The following RSPO2 variants were observed in gnomAD, a reference collection of about 807,000 sequenced individuals.
The protein encoded by RSPO2 is R-spondin 2, also known as R-spondin-2.
In RSPO2, 14 loss-of-function variants were observed where a neutral mutation model predicts 30.9. The observed-to-expected ratio is 0.45, with a 90% CI of 0.30 to 0.71. RSPO2 has a LOEUF of 0.71. Among genes scored for constraint, RSPO2 ranks in the 30% least tolerant of loss-of-function variants. The pLI, the probability that RSPO2 is intolerant of heterozygous loss-of-function variation, is 0.08. For missense variants in RSPO2, 264 were observed against 301.9 expected (o/e 0.87, Z 0.93); for synonymous variants, 107 against 96.4 (o/e 1.11, Z -0.64).
intron 2 of RSPO2, among the ~76,000 whole-genome samples, chr8:108,069,179 T>C (rs1812763022): frequency 6.6e-6 from 1 of 151,228 alleles, no homozygotes; most frequent in African/African-American, 2.4e-5. Flanking sequence ...TATTCTTCCA[T>C]TGTTGGTGCA....
intron 3 of RSPO2, among the ~76,000 whole-genome samples, chr8:107,965,362 C>A (rs1813765902): frequency 2.0e-5 from 3 of 152,116 alleles, no homozygotes; most frequent in Admixed American, 2.0e-4. Context: ...GGCTGAGCAC[C>A]CTCTCTCCTA....
chr8:107,977,740 A>AT (rs1216073214), intron 3 of RSPO2, among the ~76,000 whole-genome samples: 1 of 152,108 alleles, frequency 6.6e-6, no homozygotes, highest in Non-Finnish European at 1.5e-5. Context: ...GAGGTATCAC[A>AT]TATCTTTGCC....
chr8:108,058,184 C>G (rs1343785981), intron 2 of RSPO2, among the ~76,000 whole-genome samples: 1 of 152,114 alleles, frequency 6.6e-6, no homozygotes, highest in East Asian at 1.9e-4. Flanking sequence ...GCAAAAATCA[C>G]AAGCATTCTT....
At chr8:108,001,914 A>T (rs1217193781) in intron 2 of RSPO2, among the ~76,000 whole-genome samples, 1 of 152,170 alleles carries the variant, frequency 6.6e-6, no homozygotes, top group Non-Finnish European at 1.5e-5. Context: ...GAGGGATAGC[A>T]TTAGGAGAAA....
chr8:107,941,058 T>C (rs561550856), intron 5 of RSPO2, among the ~76,000 whole-genome samples: 1 of 152,244 alleles, frequency 6.6e-6, no homozygotes, highest in Non-Finnish European at 1.5e-5. Flanking sequence ...TTTTAAAATA[T>C]TTGCTATAAT....
intron 4 of RSPO2, among the ~76,000 whole-genome samples, chr8:107,958,852 C>T (rs1306736871): frequency 4.6e-5 from 7 of 152,176 alleles, no homozygotes. Context: ...CCAGTTCCAT[C>T]CATGTCCCTG....
rs553242323 is a variant in RSPO2 at position 107,978,999 on chromosome 8, T to C, written c.283+10057A>G. On this transcript the variant is annotated intron_variant, in intron 3 of 5. Coordinates refer to ENST00000276659, the MANE Select transcript of RSPO2 (RefSeq NM_178565.5). ...CAATGAGATACCATCTCACACCAGTTAGAATGGCAATCATTAAAAAGTCAG... is the reference window on the plus strand; with the variant it reads ...CAATGAGATACCATCTCACACCAGTCAGAATGGCAATCATTAAAAAGTCAG... 3.2e-3 allele frequency among the ~76,000 whole-genome samples: 485 copies of C among 152,282 alleles called. 3 individuals carry two copies. Among genetic ancestry groups the C allele is most frequent in the African/African-American group, 0.011 (466 of 41,530 alleles).
At chr8:107,913,849 A>G (rs1299399140) in intron 5 of RSPO2, among the ~76,000 whole-genome samples, 3 of 152,184 alleles carry the variant, frequency 2.0e-5, no homozygotes, top group South Asian at 2.1e-4. Flanking sequence ...AAAGGAAGCT[A>G]CTACATGTAT....
chr8:107,944,614 T>C lies in RSPO2; in HGVS notation c.616+13466A>G, dbSNP rs558548503. Among the ~76,000 whole-genome samples, 5 of 152,294 alleles carry C rather than the reference T, an allele frequency of 3.3e-5. No individual in the cohort carries two copies. In the East Asian group the frequency reaches 9.7e-4, roughly 29 times the overall value. ...CATCTGAGCAATTCTCAGGGATTAT[T>C]ATGGGTTGAAAGACAAAGAAGCCAT... On this transcript the variant is annotated intron_variant, in intron 5 of 5. Transcript: ENST00000276659.
chr8:107,954,687 T>A (rs1813363247), intron 5 of RSPO2, among the ~76,000 whole-genome samples: 1 of 152,146 alleles, frequency 6.6e-6, no homozygotes, highest in Non-Finnish European at 1.5e-5. Context: ...CTTGGCTCAA[T>A]GCAACTTCCA....
intron 2 of RSPO2, among the ~76,000 whole-genome samples, chr8:108,004,052 ATTAGTCACTAAAAATACTATGCTAATTT>A (rs1423850925): frequency 6.6e-6 from 1 of 152,188 alleles, no homozygotes; most frequent in Non-Finnish European, 1.5e-5. Flanking sequence ...CCTTTTGATG[ATTAGTCACTAAAAATACTATGCTAATTT>A]TTCCTAACAC....
chr8:107,995,712 A>G (rs954118776), intron 2 of RSPO2, among the ~76,000 whole-genome samples: 1 of 152,062 alleles, frequency 6.6e-6, no homozygotes, highest in Non-Finnish European at 1.5e-5. Context: ...AGCTTCTATG[A>G]TAATATCTTC....
chr8:107,901,688 G>A (rs1811471888), intron 5 of RSPO2, among the ~76,000 whole-genome samples: 1 of 152,156 alleles, frequency 6.6e-6, no homozygotes. Context: ...AAATACCAAT[G>A]TATAAAATGA....
At chr8:108,050,761 A>G (rs923842665) in intron 2 of RSPO2, among the ~76,000 whole-genome samples, 3 of 152,144 alleles carry the variant, frequency 2.0e-5, no homozygotes, top group African/African-American at 7.2e-5. Flanking sequence ...ACCACCCTCC[A>G]CGTTGGTAGT....
At chr8:108,069,655 CAA>C (rs1028900397) in intron 2 of RSPO2, among the ~76,000 whole-genome samples, 17 of 152,178 alleles carry the variant, frequency 1.1e-4, no homozygotes, top group African/African-American at 4.1e-4. Context: ...TCATATTATG[CAA>C]AAGTGTGGTT....
rs112149469 is a variant in RSPO2, at chr8:107,998,197, GA to G, written c.95-8954del. On this transcript the variant is annotated intron_variant, in intron 2 of 5. Coordinates refer to ENST00000276659, the MANE Select transcript of RSPO2 (RefSeq NM_178565.5). ...AAGTTCAAGATATGTATTTAAGGAA[GA>G]AAAAAAAAAACCCATAGAAGGAGCA... 3.6e-3 allele frequency among the ~76,000 whole-genome samples: 519 copies of G among 144,048 alleles called. 1 individual carries two copies. The highest frequency in any genetic ancestry group is 0.014 in the Middle Eastern group (4 of 278). 94.5% of individuals were successfully genotyped at this position (144,048 alleles called of 152,430 possible). A position where few individuals can be genotyped will look rare whatever the true frequency, so the allele number is the denominator to read the frequency against.
At chr8:108,001,751 GA>G (rs569731624) in intron 2 of RSPO2, among the ~76,000 whole-genome samples, 62 of 149,414 alleles carry the variant, frequency 4.1e-4, no homozygotes, top group Non-Finnish European at 5.8e-4. Context: ...ATCAGTGAGG[GA>G]AAAAAAAAAT....
chr8:108,019,440 A>G (rs1382668064), intron 2 of RSPO2, among the ~76,000 whole-genome samples: 1 of 152,042 alleles, frequency 6.6e-6, no homozygotes, highest in African/African-American at 2.4e-5. Flanking sequence ...TCCCATTTCT[A>G]TGTTTATCTG....
chr8:108,033,521 C>A (rs1811496334), intron 2 of RSPO2, among the ~76,000 whole-genome samples: 1 of 152,178 alleles, frequency 6.6e-6, no homozygotes, highest in African/African-American at 2.4e-5. Flanking sequence ...GTCAGAGTGT[C>A]CTCTCACATA....
Sources: gnomAD v4.1 joint callset for allele counts (sites outside exome capture counted in the v4.1 genomes callset) on GRCh38, gnomAD v4.1.1 for gene constraint, MANE v1.5 for transcripts, NCBI Gene and HGNC (gene_info 2026-07-23, HGNC 2026-07-21) for gene names.